Variants in SEC23A observed in about 807,000 individuals in gnomAD.
SEC23A encodes protein transport protein Sec23A.
A neutral mutation model predicts 103.7 loss-of-function variants in SEC23A; 56 were observed. The observed-to-expected ratio is 0.54, with a 90% confidence interval of 0.44 to 0.67. SEC23A has a LOEUF of 0.67. Among genes scored for constraint, SEC23A ranks in the 30% least tolerant of loss-of-function variants. The pLI, the probability that SEC23A is intolerant of heterozygous loss-of-function variation, is 0.00. For synonymous variants in SEC23A, 281 were observed against 293.0 expected (o/e 0.96, Z 0.42); for missense variants, 784 against 936.4 (o/e 0.84, Z 2.12).
In SEC23A at chr14:39,056,981, T is replaced by A. The variant is rs185768173; in HGVS notation, c.1506-1685A>T. Reference sequence around the variant, plus strand: ...AGGAGGCTAAGGTGGGAGAATCACTTAAGCCCAGAAGTTTTAGTTCAGCCT... The same window carrying A: ...AGGAGGCTAAGGTGGGAGAATCACTAAAGCCCAGAAGTTTTAGTTCAGCCT... On this transcript the variant is annotated intron_variant, in intron 13 of 19. Coordinates refer to ENST00000307712, the MANE Select transcript of SEC23A (RefSeq NM_006364.4). Among the ~76,000 whole-genome samples the A allele has an allele frequency of 2.4e-4, 37 of 152,112 alleles. No homozygotes were observed. The East Asian group carries it at 6.6e-3, about 27-fold the overall frequency.
At chr14:39,046,235 G>T (rs192744748) in intron 15 of SEC23A, among the ~76,000 whole-genome samples, 9 of 152,274 alleles carry the variant, frequency 5.9e-5, no homozygotes, top group Admixed American at 5.2e-4. Flanking sequence ...CTGGGAGGCC[G>T]AAGCAGGTGG....
intron 7 of SEC23A, among the ~76,000 whole-genome samples, chr14:39,080,169 C>G (rs1887175060): frequency 6.6e-6 from 1 of 152,180 alleles, no homozygotes; most frequent in Non-Finnish European, 1.5e-5. Context: ...TGAACTGTAT[C>G]TCTCATGCTC....
intron 19 of SEC23A, among the ~76,000 whole-genome samples, chr14:39,035,106 G>C (rs940972782): frequency 6.6e-6 from 1 of 152,104 alleles, no homozygotes; most frequent in African/African-American, 2.4e-5. Context: ...TTAGCTACAT[G>C]ATCTTGCATA....
intron 15 of SEC23A, among the ~76,000 whole-genome samples, chr14:39,045,782 C>T (rs1885809271): frequency 6.6e-6 from 1 of 152,244 alleles, no homozygotes; most frequent in South Asian, 2.1e-4. Flanking sequence ...TTTTAATCTT[C>T]ACACGTCTGA....
chr14:39,098,575 G>C (rs1409958720), intron 1 of SEC23A, among the ~76,000 whole-genome samples: 1 of 152,074 alleles, frequency 6.6e-6, no homozygotes, highest in Non-Finnish European at 1.5e-5. Flanking sequence ...AGGAGTTCAA[G>C]ACCAGCCTGG....
chr14:39,044,532 C>A (rs1388751454), intron 16 of SEC23A, among the ~76,000 whole-genome samples: 1 of 151,888 alleles, frequency 6.6e-6, no homozygotes, highest in East Asian at 1.9e-4. Flanking sequence ...TTTATATTGA[C>A]CTTACTATTT....
At chr14:39,087,810 C>T (rs955226101) in intron 5 of SEC23A, 1 of 152,188 alleles carries the variant, frequency 6.6e-6, no homozygotes, top group Non-Finnish European at 1.5e-5. Context: ...TTACTAAGAA[C>T]TTAATATGTT....
intron 18 of SEC23A, chr14:39,039,542 T>C (rs3899404): frequency 0.93 from 154,938 of 167,370 alleles, 71,846 homozygotes; most frequent in East Asian, 0.97. Flanking sequence ...TCCAACATTT[T>C]ATCCTTCTAC....
intron 10 of SEC23A, among the ~76,000 whole-genome samples, chr14:39,065,231 G>A (rs1019275932): frequency 1.3e-5 from 2 of 151,880 alleles, no homozygotes; most frequent in Non-Finnish European, 2.9e-5. Flanking sequence ...GTCTCCATTT[G>A]GGAACCTCAT....
intron 13 of SEC23A, 35 bp from the exon 14 acceptor site, chr14:39,055,331 A>C (rs1234194242): frequency 6.2e-7 from 1 of 1,604,056 alleles, no homozygotes; most frequent in South Asian, 1.1e-5. Flanking sequence ...AATGCTTCTG[A>C]ATTATTATAC....
At chr14:39,048,543 T>G (rs1489274658) in intron 15 of SEC23A, 109 bp downstream of exon 15, 8 of 716,764 alleles carry the variant, frequency 1.1e-5, no homozygotes, top group Non-Finnish European at 2.0e-5. Flanking sequence ...CAGGTTACAG[T>G]GAGCTATGAT....
chr14:39,066,965 C>T (rs1886690332), intron 10 of SEC23A, among the ~76,000 whole-genome samples: 1 of 152,126 alleles, frequency 6.6e-6, no homozygotes, highest in South Asian at 2.1e-4. Context: ...ACTTTTCTAA[C>T]AATTGTTCAG....
intron 7 of SEC23A, among the ~76,000 whole-genome samples, chr14:39,077,563 A>G (rs1226270182): frequency 6.6e-6 from 1 of 151,926 alleles, no homozygotes; most frequent in African/African-American, 2.4e-5. Flanking sequence ...AAAGAGAAAG[A>G]GAGACAAAGA....
intron 14 of SEC23A, 85 bp downstream of exon 14, chr14:39,055,058 G>A (rs1306926157): frequency 6.7e-7 from 1 of 1,499,528 alleles, no homozygotes; most frequent in Admixed American, 1.7e-5. Flanking sequence ...ACACTGTTAA[G>A]TACTTTGAAA....
At chr14:39,040,583 C>G (rs1885604911) in intron 18 of SEC23A, 149 bp downstream of exon 18, 1 of 971,788 alleles carries the variant, frequency 1.0e-6, no homozygotes, top group Non-Finnish European at 1.6e-6. Context: ...AAAGCTAATG[C>G]AAAAAGTAAG....
intron 5 of SEC23A, chr14:39,088,244 A>G (rs1887516910): frequency 6.6e-6 from 1 of 152,144 alleles, no homozygotes; most frequent in Admixed American, 6.6e-5. Flanking sequence ...GAAAGAAAAT[A>G]AACATGTTTC....
intron 9 of SEC23A, among the ~76,000 whole-genome samples, chr14:39,070,861 TA>T (rs1057297987): frequency 6.6e-6 from 1 of 152,106 alleles, no homozygotes; most frequent in African/African-American, 2.4e-5. Context: ...ACCCCGTCTC[TA>T]CTAAAAATAC....
At chr14:39,091,173 G>T in intron 5 of SEC23A, 1 of 423,332 alleles carries the variant, frequency 2.4e-6, no homozygotes, top group Non-Finnish European at 4.2e-6. Context: ...CTAATATTCT[G>T]CAGTTGCTCT....
chr14:39,054,482 C>A (rs927202445), intron 14 of SEC23A, among the ~76,000 whole-genome samples: 4 of 152,084 alleles, frequency 2.6e-5, no homozygotes, highest in African/African-American at 9.7e-5. Context: ...CAGTTCATTT[C>A]TTTTTTGACA....
Sources: gnomAD v4.1 joint callset for allele counts (sites outside exome capture counted in the v4.1 genomes callset) on GRCh38, gnomAD v4.1.1 for gene constraint, MANE v1.5 for transcripts, NCBI Gene and HGNC (gene_info 2026-07-23, HGNC 2026-07-21) for gene names.